The following RAD52 variants were observed in gnomAD, a reference collection of about 807,000 sequenced individuals.
RAD52 encodes RAD52 DNA repair protein.
In RAD52, 47 loss-of-function variants were observed where a neutral mutation model predicts 55.5. The ratio of observed to expected loss-of-function variants is 0.85; its 90% CI spans 0.67 to 1.08. RAD52 has a LOEUF of 1.08. Ranked by LOEUF, RAD52 falls within the 50% of genes least tolerant of loss-of-function variation. The pLI, the probability that RAD52 is intolerant of heterozygous loss-of-function variation, is 0.00. For missense variants in RAD52, 468 were observed against 522.8 expected, an observed-to-expected ratio of 0.90 and a Z score of 1.02; for synonymous variants, 184 against 198.9, an observed-to-expected ratio of 0.92 and a Z score of 0.63.
intron 1 of RAD52, among the ~76,000 whole-genome samples, chr12:961,955 G>A (rs1565704604): frequency 6.6e-6 from 1 of 152,208 alleles, no homozygotes; most frequent in Non-Finnish European, 1.5e-5. Flanking sequence ...GAGAAGCCAT[G>A]TGAGAAGGTG....
At chr12:957,146 A>G (rs922505829) in intron 1 of RAD52, among the ~76,000 whole-genome samples, 2 of 152,030 alleles carry the variant, frequency 1.3e-5, no homozygotes, top group African/African-American at 4.8e-5. Context: ...AGGAAATAAA[A>G]TTTTCACTTA....
chr12:929,691 T>C, intron 5 of RAD52, 128 bp downstream of exon 5: 1 of 892,998 alleles, frequency 1.1e-6, no homozygotes, highest in Non-Finnish European at 1.9e-6. Context: ...TCCACCACTC[T>C]AGGGAACGCT....
At chr12:919,078 G>C (rs1171641725) in intron 7 of RAD52, among the ~76,000 whole-genome samples, 1 of 152,118 alleles carries the variant, frequency 6.6e-6, no homozygotes, top group Non-Finnish European at 1.5e-5. Context: ...GGAAAGCAAG[G>C]CAGTGACTGG....
At chr12:924,690 G>A (rs777931683) in intron 7 of RAD52, among the ~76,000 whole-genome samples, 5 of 152,170 alleles carry the variant, frequency 3.3e-5, no homozygotes, top group Non-Finnish European at 7.3e-5. Flanking sequence ...CAAAGGCAAA[G>A]GCTCAGATCA....
intron 1 of RAD52, among the ~76,000 whole-genome samples, chr12:939,052 TTGTGTGTGTGTGTGTGTG>T (rs1555176185): frequency 7.1e-6 from 1 of 141,050 alleles, no homozygotes; most frequent in South Asian, 2.4e-4. Flanking sequence ...ATTCAACTAA[TTGTGTGTGTGTGTGTGTG>T]TGTGTGTGTG....
chr12:933,453 T>C (rs912962583), intron 1 of RAD52, among the ~76,000 whole-genome samples: 1 of 116,090 alleles, frequency 8.6e-6, no homozygotes, highest in East Asian at 2.3e-4. Context: ...CGAGACTCCA[T>C]TTCAGGAAAA....
chr12:913,400 A>G lies in RAD52; in HGVS notation c.1248T>C (p.Asp416=). ...KSQDMKKRKY[D]PS The stretch of plus-strand genomic sequence containing the variant: ...GTGGCCTGAGCCTCAGTTAAGATGG[A>G]TCATATTTCCTTTTCTTCATGTCCT... Residue 416 remains aspartate, a synonymous_variant, in exon 12 of 12, where the codon GAT becomes GAC. Coordinates refer to ENST00000358495, the MANE Select transcript of RAD52 (RefSeq NM_134424.4). The G allele has an allele frequency of 6.2e-7, 1 of 1,605,882 alleles. No homozygotes were observed. The highest frequency in any genetic ancestry group is 8.5e-7 in the Non-Finnish European group (1 of 1,172,730).
At chr12:913,833 A>G (rs1222163936) in intron 11 of RAD52, 61 bp downstream of exon 11, 2 of 1,470,624 alleles carry the variant, frequency 1.4e-6, no homozygotes, top group African/African-American at 2.8e-5. Flanking sequence ...TTCCTCAAAA[A>G]TTCCCAGAAT....
At chr12:924,997 T>C (rs868788197) in intron 7 of RAD52, among the ~76,000 whole-genome samples, 8 of 150,000 alleles carry the variant, frequency 5.3e-5, no homozygotes, top group South Asian at 4.2e-4. Flanking sequence ...GTCGCCCAGG[T>C]TGGAGTGCAG....
intron 9 of RAD52, 62 bp downstream of exon 9, chr12:916,282 C>T: frequency 1.9e-6 from 3 of 1,586,234 alleles, no homozygotes; most frequent in Non-Finnish European, 2.6e-6. Context: ...AATCAGAAGA[C>T]CCTGCGGCTA....
intron 1 of RAD52, among the ~76,000 whole-genome samples, chr12:940,459 T>C (rs1481780867): frequency 6.6e-6 from 1 of 151,938 alleles, no homozygotes; most frequent in Non-Finnish European, 1.5e-5. Context: ...TAGTTGGGTG[T>C]GGTGGCGCGT....
chr12:919,249 CA>C (rs992266140), intron 7 of RAD52, among the ~76,000 whole-genome samples: 1 of 151,952 alleles, frequency 6.6e-6, no homozygotes, highest in Non-Finnish European at 1.5e-5. Context: ...AGTTTGAGAT[CA>C]CCCTGGCCAA....
chr12:971,647 C>A (rs944699753), intron 1 of RAD52, among the ~76,000 whole-genome samples: 2 of 152,110 alleles, frequency 1.3e-5, no homozygotes, highest in Non-Finnish European at 2.9e-5. Context: ...TTTTGCTAGT[C>A]TTTTCTATAA....
At chr12:926,898 G>A (rs780383723) in intron 6 of RAD52, 12 of 1,536,612 alleles carry the variant, frequency 7.8e-6, no homozygotes, top group African/African-American at 6.8e-5. Flanking sequence ...CTGAGTGCAC[G>A]GAGAAGAGAG....
chr12:914,311 C>A, intron 10 of RAD52, 120 bp downstream of exon 10: 1 of 1,433,588 alleles, frequency 7.0e-7, no homozygotes, highest in Non-Finnish European at 9.4e-7. Flanking sequence ...CATATGCTAT[C>A]AGCCAGAACC....
At chr12:954,179 T>C (rs190514606), upstream of RAD52, among the ~76,000 whole-genome samples, 456 of 152,354 alleles carry the variant, frequency 3.0e-3, 4 homozygotes, top group Non-Finnish European at 3.0e-3. Context: ...TTTCTGTATG[T>C]AGTCATTACC....
At chr12:968,047 T>A (rs1018251373) in intron 1 of RAD52, among the ~76,000 whole-genome samples, 1 of 152,122 alleles carries the variant, frequency 6.6e-6, no homozygotes, top group African/African-American at 2.4e-5. Context: ...TCCCATTTCA[T>A]TCCATGACAT....
At chr12:984,315 C>T (rs1203058760) in intron 1 of RAD52, among the ~76,000 whole-genome samples, 2 of 152,114 alleles carry the variant, frequency 1.3e-5, no homozygotes, top group South Asian at 2.1e-4. Context: ...CCTGCCTCAT[C>T]CTCCCGAATA....
chr12:948,588 G>A (rs1485711627), intron 1 of RAD52, among the ~76,000 whole-genome samples: 1 of 152,196 alleles, frequency 6.6e-6, no homozygotes, highest in African/African-American at 2.4e-5. Flanking sequence ...AACCCAGGAG[G>A]CGGACGTTGC....
Sources: allele counts gnomAD v4.1 joint callset (sites outside exome capture counted in the v4.1 genomes callset), GRCh38; gene constraint gnomAD v4.1.1; transcripts MANE v1.5; gene names NCBI Gene and HGNC (gene_info 2026-07-23, HGNC 2026-07-21).